PCDH15: variants seen among roughly 807,000 people sequenced by gnomAD.
The protein encoded by PCDH15 is protocadherin related 15.
Under a neutral mutation model 178.5 loss-of-function variants are expected in PCDH15, and 129 were observed. The ratio of observed to expected loss-of-function variants is 0.72; its 90% CI spans 0.63 to 0.84. The LOEUF (loss-of-function observed/expected upper bound fraction) is 0.84, where lower values mean the gene tolerates loss of function less well. Ranked by LOEUF, PCDH15 falls within the 40% of genes least tolerant of loss-of-function variation. PCDH15 has a pLI of 0.00. For missense variants in PCDH15, 2,230 were observed against 2,099.9 expected, an observed-to-expected ratio of 1.06 and a Z score of -1.21; for synonymous variants, 800 against 732.0, an observed-to-expected ratio of 1.09 and a Z score of -1.50.
intron 3 of PCDH15, among the ~76,000 whole-genome samples, chr10:54,830,526 T>C (rs562246661): frequency 2.6e-5 from 4 of 151,692 alleles, no homozygotes; most frequent in African/African-American, 7.3e-5. Flanking sequence ...TAGGTGGGAA[T>C]TGAACAATGA....
chr10:55,048,986 A>C (rs1265111310), intron 2 of PCDH15, among the ~76,000 whole-genome samples: 1 of 151,964 alleles, frequency 6.6e-6, no homozygotes, highest in Non-Finnish European at 1.5e-5. Flanking sequence ...CTACATGCTA[A>C]GTCATGCTGC....
At chr10:53,941,984 A>C (rs533569171) in intron 23 of PCDH15, among the ~76,000 whole-genome samples, 95 of 152,326 alleles carry the variant, frequency 6.2e-4, no homozygotes, top group African/African-American at 2.3e-3. Flanking sequence ...GCTTTCATTG[A>C]AACCTTTTAC....
chr10:55,034,816 T>A (rs924814495), intron 2 of PCDH15, among the ~76,000 whole-genome samples: 1 of 152,180 alleles, frequency 6.6e-6, no homozygotes, highest in Non-Finnish European at 1.5e-5. Context: ...ATATTGCAAT[T>A]ATTGTATTTA....
rs145337218 is a variant in PCDH15, at chr10:53,980,355, G to A, written c.2868+15294C>T. Among the ~76,000 whole-genome samples, 59 of 152,132 alleles carry A rather than the reference G, an allele frequency of 3.9e-4. No homozygotes were observed. The East Asian group carries it at 0.01, about 26-fold the overall frequency. ...AGTCTTCCTAATTTTTGGTAAGAAC[G>A]TTATTAAAATATGTATATTTTAAAA... On this transcript the variant is annotated intron_variant, in intron 21 of 37. Transcript: ENST00000644397.
At chr10:54,552,841 A>G (rs763724537) in intron 2 of PCDH15, among the ~76,000 whole-genome samples, 2 of 152,178 alleles carry the variant, frequency 1.3e-5, no homozygotes, top group Non-Finnish European at 2.9e-5. Context: ...CTGTTCATCA[A>G]TGTATTGTAA....
At chr10:54,491,904 G>A (rs2079631712) in intron 3 of PCDH15, among the ~76,000 whole-genome samples, 1 of 152,098 alleles carries the variant, frequency 6.6e-6, no homozygotes, top group Admixed American at 6.6e-5. Context: ...CTTGCAATCA[G>A]TTGAGAATCT....
At chr10:54,379,844 T>C (rs1330060255) in intron 3 of PCDH15, among the ~76,000 whole-genome samples, 5 of 152,112 alleles carry the variant, frequency 3.3e-5, no homozygotes, top group African/African-American at 1.2e-4. Context: ...GCTATGCAAG[T>C]AAAATGTAGC....
intron 3 of PCDH15, among the ~76,000 whole-genome samples, chr10:54,862,839 T>G (rs1379747535): frequency 6.6e-6 from 1 of 152,162 alleles, no homozygotes; most frequent in East Asian, 1.9e-4. Flanking sequence ...GTCTTGAACT[T>G]TCCAGCCATC....
At chr10:55,488,284 C>G (rs533214393) in intron 2 of PCDH15, among the ~76,000 whole-genome samples, 3 of 151,590 alleles carry the variant, frequency 2.0e-5, no homozygotes, top group African/African-American at 7.2e-5. Flanking sequence ...TGTTCTTAGA[C>G]GTGAGGCTCA....
chr10:54,076,452 A>ATCTTTCTC (rs1348507289), intron 17 of PCDH15, among the ~76,000 whole-genome samples: 5 of 151,988 alleles, frequency 3.3e-5, no homozygotes, highest in African/African-American at 9.7e-5. Flanking sequence ...TTCAAATTGG[A>ATCTTTCTC]TCTTTCTCTC....
intron 8 of PCDH15, among the ~76,000 whole-genome samples, chr10:54,260,840 C>CCAGG (rs2057266515): frequency 6.6e-6 from 1 of 152,096 alleles, no homozygotes; most frequent in South Asian, 2.1e-4. Flanking sequence ...GGCATTTTGG[C>CCAGG]CAGGCTGGTC....
intron 2 of PCDH15, among the ~76,000 whole-genome samples, chr10:54,991,714 T>G (rs984728846): frequency 1.3e-5 from 2 of 152,172 alleles, no homozygotes; most frequent in Admixed American, 1.3e-4. Context: ...TGGCAAAAGT[T>G]AGATCAGCTA....
intron 1 of PCDH15, among the ~76,000 whole-genome samples, chr10:55,316,502 T>C (rs563952871): frequency 1.3e-5 from 2 of 152,268 alleles, no homozygotes; most frequent in Admixed American, 6.5e-5. Flanking sequence ...ATAATATTTA[T>C]AAAATTATCA....
intron 5 of PCDH15, 78 bp downstream of exon 5, chr10:54,369,042 C>T (rs964024520): frequency 2.0e-6 from 3 of 1,471,902 alleles, no homozygotes; most frequent in Non-Finnish European, 2.8e-6. Context: ...TTAAAGGAAT[C>T]ATTTATAAAC....
intron 2 of PCDH15, among the ~76,000 whole-genome samples, chr10:55,423,563 TA>T (rs1838676868): frequency 6.6e-6 from 1 of 151,724 alleles, no homozygotes; most frequent in Non-Finnish European, 1.5e-5. Context: ...CACTATAAGG[TA>T]AAAGGGGGGA....
At chr10:54,551,888 G>A (rs1348336275) in intron 2 of PCDH15, among the ~76,000 whole-genome samples, 1 of 152,000 alleles carries the variant, frequency 6.6e-6, no homozygotes, top group Non-Finnish European at 1.5e-5. Context: ...AGAAACTCAT[G>A]TGTTTTCATA....
At chr10:53,951,136 T>G (rs2086992774) in intron 23 of PCDH15, among the ~76,000 whole-genome samples, 1 of 152,224 alleles carries the variant, frequency 6.6e-6, no homozygotes, top group South Asian at 2.1e-4. Context: ...ATGAATAAGA[T>G]TAACACATTT....
intron 3 of PCDH15, among the ~76,000 whole-genome samples, chr10:54,874,766 T>G (rs1256511027): frequency 6.6e-6 from 1 of 152,206 alleles, no homozygotes; most frequent in African/African-American, 2.4e-5. Context: ...TCTTAAATTT[T>G]AAATGTATTT....
chr10:55,025,274 T>C (rs188922892), intron 2 of PCDH15, among the ~76,000 whole-genome samples: 11 of 152,304 alleles, frequency 7.2e-5, no homozygotes, highest in Admixed American at 7.2e-4. Context: ...CAAAATTTCA[T>C]TGTACTTTTT....
Sources: gnomAD v4.1 joint callset for allele counts (sites outside exome capture counted in the v4.1 genomes callset) on GRCh38, gnomAD v4.1.1 for gene constraint, MANE v1.5 for transcripts, NCBI Gene and HGNC (gene_info 2026-07-23, HGNC 2026-07-21) for gene names.